The following SMPX variants were observed in gnomAD, a reference collection of about 807,000 sequenced individuals.
The protein encoded by SMPX is small muscle protein X-linked.
Under a neutral mutation model 6.3 loss-of-function variants are expected in SMPX, and 2 were observed. The ratio of observed to expected loss-of-function variants is 0.32; its 90% confidence interval spans 0.13 to 0.99. The LOEUF is 0.99. Among genes scored for constraint, SMPX ranks in the 50% least tolerant of loss-of-function variants. The pLI is 0.49. For missense variants in SMPX, 60 were observed against 66.8 expected, an observed-to-expected ratio of 0.90 and a Z score of 0.36; for synonymous variants, 32 against 24.7, an observed-to-expected ratio of 1.30 and a Z score of -0.88.
At chrX:21,720,616 T>G (rs774245097) in intron 4 of SMPX, among the ~76,000 whole-genome samples, 1 of 112,758 alleles carries the variant, frequency 8.9e-6, no homozygotes. Context: ...ATGGAAACCA[T>G]GAAAAGTTCG....
At chrX:21,734,796 T>G (rs2092808824) in intron 4 of SMPX, among the ~76,000 whole-genome samples, 1 of 111,717 alleles carries the variant, frequency 9.0e-6, no homozygotes, top group Non-Finnish European at 1.9e-5. Context: ...TGTTCTGTAA[T>G]GTTTTTAATT....
intron 4 of SMPX, among the ~76,000 whole-genome samples, chrX:21,726,642 G>A (rs750681686): frequency 1.8e-5 from 2 of 112,074 alleles, no homozygotes; most frequent in East Asian, 2.8e-4. Context: ...GTGTTGTAGG[G>A]TGTTTAGTAC....
intron 4 of SMPX, among the ~76,000 whole-genome samples, chrX:21,726,392 G>C (rs1022718583): frequency 8.9e-6 from 1 of 112,532 alleles, no homozygotes; most frequent in Non-Finnish European, 1.9e-5. Flanking sequence ...TTCCTATAAA[G>C]TAGGAACACA....
intron 4 of SMPX, among the ~76,000 whole-genome samples, chrX:21,724,832 C>T (rs2092795233): frequency 8.9e-6 from 1 of 112,063 alleles, no homozygotes; most frequent in Non-Finnish European, 1.9e-5. Context: ...CAGTGCCTGC[C>T]CTACCTATCT....
intron 4 of SMPX, among the ~76,000 whole-genome samples, chrX:21,723,529 A>C (rs1299929344): frequency 2.7e-5 from 3 of 112,290 alleles, no homozygotes; most frequent in Non-Finnish European, 5.6e-5. Flanking sequence ...TGGAAGTGCC[A>C]GCCAAAATTG....
At chrX:21,754,488 G>C (rs1189314737) in intron 1 of SMPX, among the ~76,000 whole-genome samples, 186 bp from the exon 2 acceptor site, 1 of 111,607 alleles carries the variant, frequency 9.0e-6, no homozygotes, top group Non-Finnish European at 1.9e-5. Context: ...GGGAACACTA[G>C]AGCACCAGGA....
At chrX:21,712,121 CTCTT>C (rs2092779463) in intron 4 of SMPX, among the ~76,000 whole-genome samples, 1 of 112,308 alleles carries the variant, frequency 8.9e-6, no homozygotes, top group Non-Finnish European at 1.9e-5. Flanking sequence ...AAACCCAAAA[CTCTT>C]TCTTTTTTCC....
At chrX:21,711,751 C>T (rs1162787538) in intron 4 of SMPX, among the ~76,000 whole-genome samples, 10 of 111,803 alleles carry the variant, frequency 8.9e-5, no homozygotes, top group Non-Finnish European at 1.5e-4. Context: ...AGGGGCAGTG[C>T]AATGATTACT....
At chrX:21,729,229 C>T (rs958646545) in intron 4 of SMPX, among the ~76,000 whole-genome samples, 6 of 112,772 alleles carry the variant, frequency 5.3e-5, no homozygotes, top group Non-Finnish European at 1.1e-4. Context: ...CTTTTTATTA[C>T]TGTCTTAATT....
chrX:21,731,482 T>TGTGTGTATGTGTACACATACACACATA (rs1569306507), intron 4 of SMPX, among the ~76,000 whole-genome samples: 1 of 56,358 alleles, frequency 1.8e-5, no homozygotes, highest in African/African-American at 7.2e-5. Context: ...ACATACACAT[T>TGTGTGTATGTGTACACATACACACATA]ATGTGTGTAT....
intron 4 of SMPX, among the ~76,000 whole-genome samples, chrX:21,734,822 T>C (rs2092808844): frequency 8.9e-6 from 1 of 111,847 alleles, no homozygotes; most frequent in Non-Finnish European, 1.9e-5. Context: ...CTGTGAACAA[T>C]TCTATCCATG....
chrX:21,715,646 G>A (rs1475645404), intron 4 of SMPX, among the ~76,000 whole-genome samples: 1 of 110,931 alleles, frequency 9.0e-6, no homozygotes, highest in African/African-American at 3.3e-5. Context: ...ACTACCCAGG[G>A]GATGCTGTTG....
intron 1 of SMPX, among the ~76,000 whole-genome samples, chrX:21,755,722 A>G (rs1443836003): frequency 8.9e-6 from 1 of 112,313 alleles, no homozygotes; most frequent in East Asian, 2.8e-4. Flanking sequence ...ATATTTTTTA[A>G]AAACCTCTAT....
At position 21,757,932 on chromosome X, in the gene SMPX, T is replaced by G. The variant is rs903130756; in HGVS notation, c.-13+10A>C. The G allele has an allele frequency of 3.1e-6, 1 of 326,206 alleles. No individual in the cohort carries two copies. Among genetic ancestry groups the G allele is most frequent in the African/African-American group, 2.7e-5 (1 of 37,618 alleles). 26.9% of individuals were successfully genotyped at this position (326,206 alleles called of 1,213,427 possible). A position where few individuals can be genotyped will look rare whatever the true frequency, so the allele number is the denominator to read the frequency against. ...AAACCCAGTCGCCGGAGCTGCGTCC[T>G]TCTGCTTACCTGCTTTATGTATTTG... On this transcript the variant is annotated intron_variant, in intron 1 of 4. Coordinates refer to ENST00000379494, the MANE Select transcript of SMPX (RefSeq NM_014332.3).
At chrX:21,746,194 A>G (rs999258134) in intron 2 of SMPX, among the ~76,000 whole-genome samples, 1 of 112,132 alleles carries the variant, frequency 8.9e-6, no homozygotes, top group Non-Finnish European at 1.9e-5. Flanking sequence ...AATATCTACA[A>G]TGCAAAGCAG....
intron 4 of SMPX, among the ~76,000 whole-genome samples, chrX:21,725,414 G>T (rs1304642794): frequency 8.9e-6 from 1 of 112,402 alleles, no homozygotes; most frequent in Non-Finnish European, 1.9e-5. Flanking sequence ...AAAGTCCATT[G>T]TTTGACTTTT....
intron 4 of SMPX, among the ~76,000 whole-genome samples, chrX:21,723,962 C>T (rs755118706): frequency 8.9e-6 from 1 of 111,982 alleles, no homozygotes; most frequent in Non-Finnish European, 1.9e-5. Context: ...GCTCCTCTTC[C>T]TATGTGCTGG....
intron 4 of SMPX, among the ~76,000 whole-genome samples, chrX:21,710,245 G>A (rs1396849629): frequency 2.7e-5 from 3 of 112,238 alleles, no homozygotes; most frequent in African/African-American, 9.7e-5. Context: ...ATGAAATAAT[G>A]TCTTTTGCAG....
chrX:21,728,236 CT>C (rs1430008243), intron 4 of SMPX, among the ~76,000 whole-genome samples: 7 of 51,013 alleles, frequency 1.4e-4, no homozygotes, highest in African/African-American at 4.5e-4. Flanking sequence ...CTCTCTCTCT[CT>C]CTCTCTCTCT....
Sources: allele counts gnomAD v4.1 joint callset (sites outside exome capture counted in the v4.1 genomes callset), GRCh38; gene constraint gnomAD v4.1.1; transcripts MANE v1.5; gene names NCBI Gene and HGNC (gene_info 2026-07-23, HGNC 2026-07-21).